FANCA: variants seen among roughly 807,000 people sequenced by gnomAD.
FANCA encodes FA complementation group A, also known as Fanconi anemia group A protein.
Under a neutral mutation model 194.3 loss-of-function variants are expected in FANCA, and 236 were observed. The ratio of observed to expected loss-of-function variants is 1.21; its 90% CI spans 1.09 to 1.35. The LOEUF (loss-of-function observed/expected upper bound fraction) is 1.35, where lower values mean the gene tolerates loss of function less well. FANCA is among the 40% of genes most tolerant of loss of function. The probability of loss-of-function intolerance (pLI) is 0.00; values close to 1 mark genes in which losing one functional copy is unlikely to be tolerated. For missense variants in FANCA, 2,628 were observed against 1,813.9 expected (o/e 1.45, Z -8.15); for synonymous variants, 1,014 against 715.8 (o/e 1.42, Z -6.65).
At chr16:89,755,032 G>C (rs1241265236) in intron 30 of FANCA, among the ~76,000 whole-genome samples, 1 of 152,114 alleles carries the variant, frequency 6.6e-6, no homozygotes, top group Non-Finnish European at 1.5e-5. Context: ...AGTGCATATG[G>C]ACATACAGAC....
intron 3 of FANCA, among the ~76,000 whole-genome samples, chr16:89,811,973 C>T (rs1038287923): frequency 6.6e-5 from 10 of 150,770 alleles, no homozygotes; most frequent in Non-Finnish European, 1.2e-4. Context: ...CTCATTAATC[C>T]GCCCGCCTCG....
chr16:89,810,780 T>A lies in FANCA; in HGVS notation c.449A>T (p.Glu150Val), dbSNP rs146303624. The A allele has an allele frequency of 2.5e-6, 4 of 1,613,444 alleles. No homozygotes were observed. Among genetic ancestry groups the A allele is most frequent in the Non-Finnish European group, 3.4e-6 (4 of 1,179,450 alleles). Reference protein sequence around the residue: ...EQRKKLSSLLEFAQYLLAHSM... With the variant: ...EQRKKLSSLLVFAQYLLAHSM... ...GTGTGCCAATAAATACTGAGCAAAC[T>A]CTAACAGGGAAGACAGCTTCTTCTG... Residue 150 changes from glutamate to valine, a missense_variant, in exon 5 of 43, where the codon GAG becomes GTG. Coordinates refer to ENST00000389301, the MANE Select transcript of FANCA (RefSeq NM_000135.4).
intron 20 of FANCA, chr16:89,778,515 C>A: frequency 2.5e-6 from 1 of 393,554 alleles, no homozygotes; most frequent in East Asian, 6.1e-5. Flanking sequence ...GTAATCCCAG[C>A]TACTCAGGAG....
chr16:89,784,718 GA>G, intron 15 of FANCA, 135 bp downstream of exon 15: 1 of 665,806 alleles, frequency 1.5e-6, no homozygotes, highest in Non-Finnish European at 2.8e-6. Context: ...TGGGGAAGGG[GA>G]AGGGGAAGGG....
chr16:89,816,100 G>C (rs763580119), intron 1 of FANCA, 114 bp from the exon 2 acceptor site: 4 of 783,278 alleles, frequency 5.1e-6, no homozygotes, highest in African/African-American at 1.7e-5. Flanking sequence ...CTCCCGAAGA[G>C]GGGCCGGGGC....
intron 6 of FANCA, among the ~76,000 whole-genome samples, chr16:89,806,860 T>C (rs1175563327): frequency 3.3e-5 from 5 of 152,168 alleles, no homozygotes; most frequent in Admixed American, 6.5e-5. Flanking sequence ...CAATGAGCTG[T>C]TGGGTACACC....
rs886038245 is a variant in FANCA at position 89,816,633 on chromosome 16, C to T, written c.-18G>A. 1.3e-4 allele frequency: 196 copies of T among 1,517,356 alleles called. 1 individual carries two copies. The highest frequency in any genetic ancestry group is 3.2e-4 in the Admixed American group (16 of 49,806). 94.0% of individuals were successfully genotyped at this position (1,517,356 alleles called of 1,614,324 possible). A position where few individuals can be genotyped will look rare whatever the true frequency, so the allele number is the denominator to read the frequency against. Reference sequence around the variant, plus strand: ...TCGGACATGGCCTTGGCGCCTACAGCCCCGGCGGCGGCTCCCTGCGCCCGA... The same window carrying T: ...TCGGACATGGCCTTGGCGCCTACAGTCCCGGCGGCGGCTCCCTGCGCCCGA... On this transcript the variant is annotated 5_prime_UTR_variant, in exon 1 of 43. Transcript: ENST00000389301.
In FANCA at chr16:89,749,908, A is replaced by C. The variant is rs1386893190; in HGVS notation, c.3067-6T>G. ...TCCAGGTCAGCTACCATCTCCTGAA[A>C]AAGAGCAGTATGCTGGCACAGGAAG... On this transcript the variant is annotated splice_polypyrimidine_tract_variant and splice_region_variant and intron_variant, in intron 31 of 42. Transcript: ENST00000389301. 4 of 1,613,966 alleles carry C rather than the reference A, an allele frequency of 2.5e-6. No individual in the cohort carries two copies. In the South Asian group the frequency reaches 4.4e-5, roughly 18 times the overall value.
Position 89,737,739 on chromosome 16 carries a change from GTCA to G in FANCA, c.*859_*861del. 6.2e-7 allele frequency: 1 copy of G among 1,605,754 alleles called. No individual in the cohort carries two copies. The highest frequency in any genetic ancestry group is 8.5e-7 in the Non-Finnish European group (1 of 1,173,796). ...TTCCCAGCTGTGATGGTTTCACATT[GTCA>G]TCGTCGTCCCCCCGGGAGGTTGGAG... is the stretch of plus-strand genomic sequence containing the variant. On this transcript the variant is annotated 3_prime_UTR_variant, in exon 43 of 43. Coordinates refer to ENST00000389301, the MANE Select transcript of FANCA (RefSeq NM_000135.4).
rs761538996 is a variant in FANCA at position 89,808,331 on chromosome 16, C to G, written c.559G>C (p.Val187Leu). The change falls in exon 6 of 43, where the codon GTA becomes CTA. Residue 187 changes from valine to leucine, a missense_variant. Physicochemically the swap from Val to Leu is conservative, Grantham distance 32 (BLOSUM62 1). Coordinates refer to ENST00000389301, the MANE Select transcript of FANCA (RefSeq NM_000135.4). ...LLLEAVWHLH[V>L]QGIVSLQELL... is the part of the protein sequence containing the mutation. ...TCTTGCAGGCTCACAATGCCTTGTA[C>G]GTGAAGATGCCACACCGCTTCAAGC... 2.5e-6 allele frequency: 4 copies of G among 1,613,964 alleles called. No individual in the cohort carries two copies. The African/African-American group carries it at 5.3e-5, about 22-fold the overall frequency.
Position 89,779,458 on chromosome 16 carries a change from TA to T in FANCA, c.1715+410del, listed in dbSNP as rs112119479. On this transcript the variant is annotated intron_variant, in intron 18 of 42. Coordinates refer to ENST00000389301, the MANE Select transcript of FANCA (RefSeq NM_000135.4). ...ATATTGGTCACAAAGAAGGCATTGA[TA>T]AAAAAAAAAACATCATGGCCCCACT... Among the ~76,000 whole-genome samples the T allele has an allele frequency of 4.7e-3, 687 of 146,580 alleles. 4 individuals are homozygous for T. Among genetic ancestry groups the T allele is most frequent in the Non-Finnish European group, 7.1e-3 (470 of 66,266 alleles).
At chr16:89,811,107 C>T (rs2143681594) in intron 3 of FANCA, 36 bp from the exon 4 acceptor site, 1 of 1,613,222 alleles carries the variant, frequency 6.2e-7, no homozygotes, top group Non-Finnish European at 8.5e-7. Flanking sequence ...TTTCTCTTAA[C>T]ACATGAGACA....
At chr16:89,768,916 G>C (rs1567617376) in intron 26 of FANCA, among the ~76,000 whole-genome samples, 1 of 61,586 alleles carries the variant, frequency 1.6e-5, no homozygotes, top group Non-Finnish European at 2.9e-5. Context: ...CCAACACCCA[G>C]TACTCAGTGT....
chr16:89,744,602 CCTCA>C (rs2062202628), intron 36 of FANCA: 1 of 360,928 alleles, frequency 2.8e-6, no homozygotes, highest in African/African-American at 2.1e-5. Flanking sequence ...CACTCGAGCT[CCTCA>C]CTCAGACGGG....
At chr16:89,761,885 A>G (rs2038964686) in intron 29 of FANCA, 64 bp downstream of exon 29, 3 of 1,356,370 alleles carry the variant, frequency 2.2e-6, no homozygotes, top group Non-Finnish European at 3.2e-6. Flanking sequence ...TCAGCCTCCC[A>G]AAGTGCTGGG....
intron 20 of FANCA, among the ~76,000 whole-genome samples, chr16:89,776,842 T>A (rs1242741492): frequency 6.6e-6 from 1 of 150,946 alleles, no homozygotes; most frequent in African/African-American, 2.4e-5. Context: ...AAAAATAAAT[T>A]AAAGAAAAAA....
intron 14 of FANCA, chr16:89,790,937 C>G (rs949755303): frequency 4.8e-6 from 1 of 206,504 alleles, no homozygotes; most frequent in African/African-American, 2.4e-5. Context: ...TCAAGTAATC[C>G]TTGCGTCTCA....
intron 14 of FANCA, chr16:89,791,019 GTGTGTTTTT>G (rs1281835722): frequency 1.9e-4 from 48 of 252,270 alleles, no homozygotes; most frequent in South Asian, 8.5e-4. Flanking sequence ...GTGTGTGTGT[GTGTGTTTTT>G]TTTTTTTTTT....
chr16:89,812,512 G>C (rs1440475314), intron 3 of FANCA, among the ~76,000 whole-genome samples: 1 of 151,374 alleles, frequency 6.6e-6, no homozygotes, highest in African/African-American at 2.4e-5. Context: ...CAGGCGTGGT[G>C]GTGCATGCCT....
Sources: gnomAD v4.1 joint callset for allele counts (sites outside exome capture counted in the v4.1 genomes callset) on GRCh38, gnomAD v4.1.1 for gene constraint, MANE v1.5 for transcripts, NCBI Gene and HGNC (gene_info 2026-07-23, HGNC 2026-07-21) for gene names.